Variants in SEC23A observed in about 807,000 individuals in gnomAD.
SEC23A encodes the protein protein transport protein Sec23A.
Under a neutral mutation model 103.7 loss-of-function variants are expected in SEC23A, and 56 were observed. That is an observed-to-expected ratio of 0.54 (90% CI 0.44 to 0.67). The LOEUF (loss-of-function observed/expected upper bound fraction) is 0.67. Ranked by LOEUF, SEC23A falls within the 30% of genes least tolerant of loss-of-function variation. The probability of loss-of-function intolerance (pLI) is 0.00; values close to 1 mark genes in which losing one functional copy is unlikely to be tolerated. For synonymous variants in SEC23A, 281 were observed against 293.0 expected (o/e 0.96, Z 0.42); for missense variants, 784 against 936.4 (o/e 0.84, Z 2.12).
chr14:39,098,458 T>G (rs1011541330), intron 1 of SEC23A, among the ~76,000 whole-genome samples: 5 of 152,114 alleles, frequency 3.3e-5, no homozygotes, highest in African/African-American at 1.2e-4. Flanking sequence ...ACGCCTACTA[T>G]GTACCCACAA....
At chr14:39,039,424 T>TC (rs1885563655) in intron 18 of SEC23A, 1 of 260,366 alleles carries the variant, frequency 3.8e-6, no homozygotes, top group East Asian at 9.1e-5. Flanking sequence ...AAGTTCAAAA[T>TC]CCCAAATAAT....
At chr14:39,063,622 TAATA>T (rs1435970849) in intron 11 of SEC23A, among the ~76,000 whole-genome samples, 4 of 152,218 alleles carry the variant, frequency 2.6e-5, no homozygotes, top group African/African-American at 9.6e-5. Flanking sequence ...AATTTTTACA[TAATA>T]AAAGTAAAAT....
intron 7 of SEC23A, among the ~76,000 whole-genome samples, chr14:39,081,471 G>A (rs1264861980): frequency 6.6e-6 from 1 of 152,106 alleles, no homozygotes; most frequent in Non-Finnish European, 1.5e-5. Context: ...CAGTGGAGGG[G>A]AATAACCCAC....
At position 39,045,451 on chromosome 14, in the gene SEC23A, T is replaced by C. The variant is rs1245632190; in HGVS notation, c.1738-127A>G. 1.1e-5 allele frequency: 7 copies of C among 611,130 alleles called. No homozygotes were observed. The East Asian group carries it at 2.1e-4, about 18-fold the overall frequency. The allele number at this position is 611,130 out of a possible 1,614,324, so 37.9% of individuals were successfully genotyped here. A position where few individuals can be genotyped will look rare whatever the true frequency, so the allele number is the denominator to read the frequency against. ...AAAACATGTTATTATAAGAATGTTC[T>C]AATTTATATCCCTCAGGAAAGGAAT... On this transcript the variant is annotated intron_variant, in intron 15 of 19. Transcript: ENST00000307712.
intron 1 of SEC23A, among the ~76,000 whole-genome samples, chr14:39,099,154 G>GTTTTTTTT (rs35763261): frequency 2.4e-5 from 2 of 83,644 alleles, no homozygotes; most frequent in Non-Finnish European, 4.8e-5. Flanking sequence ...TTGTTTTTGG[G>GTTTTTTTT]TTTTTTTTTT....
chr14:39,086,458 C>T (rs1270023450), intron 6 of SEC23A, among the ~76,000 whole-genome samples: 1 of 151,900 alleles, frequency 6.6e-6, no homozygotes, highest in Non-Finnish European at 1.5e-5. Flanking sequence ...CCCGTCTCTA[C>T]AAAAAATACA....
At chr14:39,056,293 C>T (rs1346538153) in intron 13 of SEC23A, among the ~76,000 whole-genome samples, 3 of 152,154 alleles carry the variant, frequency 2.0e-5, no homozygotes, top group Non-Finnish European at 4.4e-5. Context: ...TCTCTCCAGT[C>T]TCCTGATTCC....
Position 39,092,824 on chromosome 14 carries a change from G to A in SEC23A, c.280-197C>T, listed in dbSNP as rs1006841052. 3.1e-5 allele frequency: 17 copies of A among 551,626 alleles called. No homozygotes were observed. The African/African-American group carries it at 3.3e-4, about 11-fold the overall frequency. 34.2% of individuals were successfully genotyped at this position (551,626 alleles called of 1,614,324 possible). On this transcript the variant is annotated intron_variant, in intron 3 of 19. Coordinates refer to ENST00000307712, the MANE Select transcript of SEC23A (RefSeq NM_006364.4). ...GTATTTTGGCATTAACATCTGCAAT[G>A]GATGTTTTATGGGTTTTTTTTCATT...
In SEC23A at chr14:39,100,643, C is replaced by T. The variant is rs558877780; in HGVS notation, c.-22+2389G>A. Among the ~76,000 whole-genome samples the T allele has an allele frequency of 6.3e-4, 96 of 151,990 alleles. 1 individual carries two copies. Among genetic ancestry groups the T allele is most frequent in the African/African-American group, 2.2e-3 (90 of 41,446 alleles). On this transcript the variant is annotated intron_variant, in intron 1 of 19. Coordinates refer to ENST00000307712, the MANE Select transcript of SEC23A (RefSeq NM_006364.4). ...GGTCAGGCTGGTCTCGAACTCCCAA[C>T]CTCAGGTGATCCACCCACCTCAGCC...
At chr14:39,073,535 C>A (rs1161026191) in intron 9 of SEC23A, among the ~76,000 whole-genome samples, 1 of 150,110 alleles carries the variant, frequency 6.7e-6, no homozygotes, top group East Asian at 2.0e-4. Context: ...TTCAGATAAT[C>A]CTCCCACCTC....
chr14:39,079,682 C>T (rs1887154459), intron 7 of SEC23A, among the ~76,000 whole-genome samples: 2 of 151,830 alleles, frequency 1.3e-5, no homozygotes, highest in Admixed American at 1.3e-4. Context: ...ATTAGCCAGG[C>T]GGGGTGGCGG....
rs562500846 is a variant in SEC23A, at chr14:39,073,172, T to A, written c.1103+1243A>T. Among the ~76,000 whole-genome samples the A allele has an allele frequency of 9.2e-5, 14 of 152,284 alleles. No individual in the cohort carries two copies. The East Asian group carries it at 2.7e-3, about 29-fold the overall frequency. On this transcript the variant is annotated intron_variant, in intron 9 of 19. Transcript: ENST00000307712. ...TATTAAATGCACTTTAGCCCCTTGT[T>A]CCCTTTTTACTCAGCAGTAAAAATA...
intron 15 of SEC23A, among the ~76,000 whole-genome samples, chr14:39,045,843 TAAG>T (rs1885813569): frequency 6.6e-6 from 1 of 152,220 alleles, no homozygotes; most frequent in South Asian, 2.1e-4. Flanking sequence ...CCAAAGATTC[TAAG>T]AACATATAAA....
intron 14 of SEC23A, among the ~76,000 whole-genome samples, chr14:39,050,195 G>A (rs577299329): frequency 5.3e-5 from 8 of 152,260 alleles, no homozygotes; most frequent in African/African-American, 1.7e-4. Context: ...CATAAAGAAG[G>A]TATATCCAAG....
chr14:39,069,850 CA>C (rs1177375074), intron 9 of SEC23A, among the ~76,000 whole-genome samples: 1 of 152,174 alleles, frequency 6.6e-6, no homozygotes, highest in Non-Finnish European at 1.5e-5. Context: ...CACTTGCTTA[CA>C]TCTTTGCTAA....
Position 39,060,116 on chromosome 14 carries a change from T to C in SEC23A, c.1505+1649A>G, listed in dbSNP as rs138226785. 3.4e-3 allele frequency among the ~76,000 whole-genome samples: 512 copies of C among 152,004 alleles called. 2 individuals are homozygous for C. Among genetic ancestry groups the C allele is most frequent in the Non-Finnish European group, 6.1e-3 (413 of 67,892 alleles). ...GTGTGCACACACATGTGTGTGTGTG[T>C]GCACACACGTTGAGAGCCATAAATA... On this transcript the variant is annotated intron_variant, in intron 13 of 19. Coordinates refer to ENST00000307712, the MANE Select transcript of SEC23A (RefSeq NM_006364.4).
intron 16 of SEC23A, among the ~76,000 whole-genome samples, chr14:39,044,031 C>T (rs560922582): frequency 4.5e-4 from 68 of 151,986 alleles, no homozygotes; most frequent in African/African-American, 1.4e-3. Context: ...GTGTTTTGGC[C>T]GTTTGTTATA....
chr14:39,055,015 T>G, intron 14 of SEC23A, 128 bp downstream of exon 14: 1 of 1,048,538 alleles, frequency 9.5e-7, no homozygotes, highest in Non-Finnish European at 1.4e-6. Flanking sequence ...TCTCAGTAAT[T>G]TGAATAGGAG....
intron 19 of SEC23A, among the ~76,000 whole-genome samples, chr14:39,036,116 C>T (rs1265750130): frequency 6.6e-6 from 1 of 151,738 alleles, no homozygotes; most frequent in African/African-American, 2.4e-5. Flanking sequence ...ATCAGAAGAT[C>T]GAGACCATCC....
Sources: allele counts gnomAD v4.1 joint callset (sites outside exome capture counted in the v4.1 genomes callset), GRCh38; gene constraint gnomAD v4.1.1; transcripts MANE v1.5; gene names NCBI Gene and HGNC (gene_info 2026-07-23, HGNC 2026-07-21).